The following GPHN variants were observed in gnomAD, a reference collection of about 807,000 sequenced individuals.
The protein encoded by GPHN is gephyrin.
A neutral mutation model predicts 95.5 loss-of-function variants in GPHN; 17 were observed. That is an observed-to-expected ratio of 0.18 (90% CI 0.12 to 0.27). The LOEUF (loss-of-function observed/expected upper bound fraction) is 0.27. Among genes scored for constraint, GPHN ranks in the 10% least tolerant of loss-of-function variants. GPHN has a pLI of 1.00. For synonymous variants in GPHN, 320 were observed against 322.5 expected (o/e 0.99, Z 0.08); for missense variants, 660 against 978.1 (o/e 0.67, Z 4.34).
the GPHN span, among the ~76,000 whole-genome samples, chr14:67,448,334 G>T: frequency 0.014 from 2,187 of 151,338 alleles, 25 homozygotes; most frequent in Middle Eastern, 0.048. Flanking sequence ...TAGAGACAGG[G>T]TTTCACCATG....
At chr14:67,692,701 T>C in the GPHN span, 1 of 1,337,292 alleles carries the variant, frequency 7.5e-7, no homozygotes, top group Non-Finnish European at 1.0e-6. Flanking sequence ...TTTTTACCCT[T>C]TCTTCACAAC....
intron 17 of GPHN, among the ~76,000 whole-genome samples, chr14:67,132,963 C>T (rs2079817219): frequency 6.6e-6 from 1 of 151,572 alleles, no homozygotes; most frequent in African/African-American, 2.4e-5. Context: ...CTTTTTTTCA[C>T]TGATGAGTTT....
chr14:66,827,751 G>A (rs111652716), intron 4 of GPHN, among the ~76,000 whole-genome samples: 2,381 of 151,960 alleles, frequency 0.016, 33 homozygotes, highest in Non-Finnish European at 0.018. Flanking sequence ...CTTAATTTTG[G>A]TAGGGTAAGC....
In GPHN at chr14:66,571,411, G is replaced by A. The variant is rs202229126; in HGVS notation, c.64+62820G>A. On this transcript the variant is annotated intron_variant, in intron 1 of 22. Transcript: ENST00000478722. ...GAGCCAAACCATTATCATATGGTTT[G>A]CAATAATTTTCTCTCATTCTGTAGG... Among the ~76,000 whole-genome samples the A allele has an allele frequency of 1.2e-4, 19 of 152,260 alleles. No individual in the cohort carries two copies. In the East Asian group the frequency reaches 2.9e-3, roughly 23 times the overall value.
At chr14:66,638,612 A>G (rs924604492) in intron 1 of GPHN, among the ~76,000 whole-genome samples, 1 of 152,210 alleles carries the variant, frequency 6.6e-6, no homozygotes, top group Non-Finnish European at 1.5e-5. Flanking sequence ...TTTCATGAAT[A>G]TATAAATAAA....
At chr14:67,706,565 G>A in the GPHN span, among the ~76,000 whole-genome samples, 1 of 152,218 alleles carries the variant, frequency 6.6e-6, no homozygotes, top group African/African-American at 2.4e-5. Context: ...ACAGGAAGAT[G>A]AGACACAAAC....
downstream of GPHN, among the ~76,000 whole-genome samples, chr14:67,183,966 A>G (rs753242312): frequency 7.9e-5 from 12 of 151,690 alleles, no homozygotes; most frequent in African/African-American, 1.9e-4. Flanking sequence ...TGATCCTTCC[A>G]TCTCAGCCTC....
At chr14:66,707,783 A>C (rs983601289) in intron 2 of GPHN, among the ~76,000 whole-genome samples, 5 of 120,464 alleles carry the variant, frequency 4.2e-5, no homozygotes, top group Admixed American at 8.3e-5. Context: ...CCTAGAACTT[A>C]AAATAATGTA....
At chr14:67,375,744 G>A in the GPHN span, among the ~76,000 whole-genome samples, 1 of 152,070 alleles carries the variant, frequency 6.6e-6, no homozygotes, top group Admixed American at 6.5e-5. Flanking sequence ...TTAGAATGTA[G>A]TCTCTAAACT....
chr14:67,369,853 C>T, the GPHN span, among the ~76,000 whole-genome samples: 1 of 152,166 alleles, frequency 6.6e-6, no homozygotes, highest in Non-Finnish European at 1.5e-5. Context: ...CTGAGACCAG[C>T]TCTGTTGGGG....
chr14:66,708,129 C>A (rs1377226503), intron 2 of GPHN, among the ~76,000 whole-genome samples: 2 of 151,954 alleles, frequency 1.3e-5, no homozygotes, highest in African/African-American at 4.8e-5. Flanking sequence ...AGTATCATTG[C>A]AGGGTACTTA....
chr14:67,456,898 AGT>A, the GPHN span, among the ~76,000 whole-genome samples: 7 of 152,222 alleles, frequency 4.6e-5, no homozygotes, highest in African/African-American at 7.2e-5. Context: ...TTTATGGTGG[AGT>A]GGATAAAGAA....
the GPHN span, among the ~76,000 whole-genome samples, chr14:67,657,625 C>CACACAG: frequency 7.3e-6 from 1 of 136,836 alleles, no homozygotes; most frequent in Non-Finnish European, 1.5e-5. Context: ...CACACACACC[C>CACACAG]AAAATCAAAA....
the GPHN span, among the ~76,000 whole-genome samples, chr14:67,463,631 T>G: frequency 9.4e-5 from 9 of 95,706 alleles, no homozygotes; most frequent in African/African-American, 3.8e-4. Flanking sequence ...AGAGTGAGAC[T>G]CCGTCTCAAA....
chr14:66,746,558 CAA>C (rs2058157439), intron 2 of GPHN, among the ~76,000 whole-genome samples: 2 of 151,212 alleles, frequency 1.3e-5, no homozygotes, highest in Non-Finnish European at 2.9e-5. Context: ...TAATTAGTAT[CAA>C]ATCCATAAAT....
At chr14:67,334,392 A>G in the GPHN span, 1 of 152,594 alleles carries the variant, frequency 6.6e-6, no homozygotes, top group African/African-American at 2.4e-5. Flanking sequence ...GAATGCCTTG[A>G]TTTTATTTTT....
At chr14:67,312,797 C>A in the GPHN span, 1 of 1,038,406 alleles carries the variant, frequency 9.6e-7, no homozygotes, top group Non-Finnish European at 1.3e-6. Flanking sequence ...CTCTTTCATG[C>A]CTCTATTTAA....
intron 2 of GPHN, among the ~76,000 whole-genome samples, chr14:66,758,578 C>T (rs1233211084): frequency 6.6e-6 from 1 of 151,812 alleles, no homozygotes; most frequent in Non-Finnish European, 1.5e-5. Context: ...AGACATGTAT[C>T]AAAATGAAAA....
the GPHN span, chr14:67,648,377 C>T: frequency 1.1e-4 from 54 of 489,376 alleles, no homozygotes; most frequent in African/African-American, 8.8e-4. Context: ...GGACATGGCT[C>T]TTACCAAATT....
Sources: allele counts gnomAD v4.1 joint callset (sites outside exome capture counted in the v4.1 genomes callset), GRCh38; gene constraint gnomAD v4.1.1; transcripts MANE v1.5; gene names NCBI Gene and HGNC (gene_info 2026-07-23, HGNC 2026-07-21).